Variants in FRMPD4 observed in about 807,000 individuals in gnomAD.
FRMPD4 encodes FERM and PDZ domain containing 4, also known as FERM and PDZ domain-containing protein 4.
FRMPD4 carries 22 observed loss-of-function variants against 94.1 expected under a neutral mutation model. The observed-to-expected ratio is 0.23, with a 90% CI of 0.17 to 0.33. The LOEUF (loss-of-function observed/expected upper bound fraction) is 0.33. Ranked by LOEUF, FRMPD4 falls within the 10% of genes least tolerant of loss-of-function variation. The pLI is 1.00. For missense variants in FRMPD4, 1,111 were observed against 1,339.9 expected, an observed-to-expected ratio of 0.83 and a Z score of 2.67; for synonymous variants, 631 against 548.6, an observed-to-expected ratio of 1.15 and a Z score of -2.10.
At chrX:12,079,181 T>C (rs1027113104) in intron 3 of FRMPD4, among the ~76,000 whole-genome samples, 3 of 110,942 alleles carry the variant, frequency 2.7e-5, no homozygotes, top group Non-Finnish European at 3.8e-5. Flanking sequence ...GTAAAATATG[T>C]ATATTTTACA....
At chrX:12,522,579 A>G (rs952172064) in intron 2 of FRMPD4, among the ~76,000 whole-genome samples, 1 of 99,106 alleles carries the variant, frequency 1.0e-5, no homozygotes, top group Non-Finnish European at 2.0e-5. Flanking sequence ...TTTAATGGCA[A>G]TTGATTTTCT....
intron 7 of FRMPD4, among the ~76,000 whole-genome samples, chrX:12,687,745 A>G (rs1028932847): frequency 1.8e-5 from 2 of 112,371 alleles, no homozygotes; most frequent in African/African-American, 6.5e-5. Flanking sequence ...TCATACAGGT[A>G]ATGCTTAATT....
chrX:12,540,492 C>A (rs1215958287), intron 2 of FRMPD4, among the ~76,000 whole-genome samples: 3 of 111,533 alleles, frequency 2.7e-5, no homozygotes, highest in African/African-American at 6.5e-5. Flanking sequence ...AGAGAAAAAG[C>A]AGGCCATTAC....
chrX:12,290,720 G>A (rs2054672472), intron 1 of FRMPD4, among the ~76,000 whole-genome samples: 1 of 111,621 alleles, frequency 9.0e-6, no homozygotes, highest in Non-Finnish European at 1.9e-5. Flanking sequence ...GTATTTAAGC[G>A]ACAGAAGCAG....
chrX:11,953,389 C>T (rs762373899), intron 3 of FRMPD4, among the ~76,000 whole-genome samples: 2 of 111,677 alleles, frequency 1.8e-5, no homozygotes, highest in Admixed American at 9.5e-5. Context: ...TTAAAGATGT[C>T]CCTTTTCAGG....
At chrX:12,017,463 A>G (rs2054610090) in intron 3 of FRMPD4, among the ~76,000 whole-genome samples, 2 of 112,222 alleles carry the variant, frequency 1.8e-5, no homozygotes, top group Admixed American at 1.9e-4. Context: ...CTTAACTATC[A>G]ATTCTTTTTT....
rs369217198 is a variant in FRMPD4 at position 12,679,504 on chromosome X, T to C, written c.469-3979T>C. 2.1e-4 allele frequency among the ~76,000 whole-genome samples: 23 copies of C among 111,412 alleles called. No individual in the cohort carries two copies. In the South Asian group the frequency reaches 8.5e-3, roughly 41 times the overall value. On this transcript the variant is annotated intron_variant, in intron 5 of 16. Transcript: ENST00000675598. ...TGCGAGGGAATTTCATTGGTCTCTT[T>C]AAATGTTACTAAGTCACAGTCAGGG... is the stretch of plus-strand genomic sequence containing the variant.
intron 3 of FRMPD4, among the ~76,000 whole-genome samples, chrX:12,118,107 T>C (rs1488860934): frequency 8.9e-6 from 1 of 112,076 alleles, no homozygotes; most frequent in Non-Finnish European, 1.9e-5. Flanking sequence ...TTAAAAATTA[T>C]TACTGACTTC....
chrX:12,650,178 A>C (rs919193619), intron 4 of FRMPD4, among the ~76,000 whole-genome samples: 2 of 112,373 alleles, frequency 1.8e-5, no homozygotes, highest in Non-Finnish European at 3.8e-5. Flanking sequence ...TACGGGACTC[A>C]ACTTGAAGGG....
At chrX:12,304,302 G>T (rs2054902041) in intron 1 of FRMPD4, among the ~76,000 whole-genome samples, 1 of 110,937 alleles carries the variant, frequency 9.0e-6, no homozygotes, top group Non-Finnish European at 1.9e-5. Flanking sequence ...GTAAAATAAG[G>T]TCTCTCAGTA....
chrX:12,710,352 G>A (rs781770169), intron 13 of FRMPD4, 47 bp from the exon 14 acceptor site: 2 of 1,084,966 alleles, frequency 1.8e-6, no homozygotes, highest in East Asian at 3.1e-5. Context: ...CTCCAGGGAT[G>A]TTATTAAGAA....
At chrX:12,462,062 A>T (rs772508337) in intron 1 of FRMPD4, among the ~76,000 whole-genome samples, 8 of 111,922 alleles carry the variant, frequency 7.1e-5, no homozygotes, top group Non-Finnish European at 1.5e-4. Flanking sequence ...AAAGGAAAGA[A>T]GAAACACTGA....
intron 3 of FRMPD4, among the ~76,000 whole-genome samples, chrX:11,910,240 T>C (rs1370379574): frequency 6.3e-5 from 7 of 111,960 alleles, no homozygotes; most frequent in African/African-American, 2.3e-4. Flanking sequence ...TTTTTATGGT[T>C]AAAATGCTGA....
chrX:12,008,135 C>T (rs2054563433), intron 3 of FRMPD4, among the ~76,000 whole-genome samples: 1 of 112,424 alleles, frequency 8.9e-6, no homozygotes, highest in African/African-American at 3.2e-5. Flanking sequence ...GCTCCTTTTA[C>T]TTGCTGACAT....
rs1319534599 is a variant in FRMPD4, at chrX:11,943,911, T to C, written c.95+65893T>C. Among the ~76,000 whole-genome samples, 5 of 111,786 alleles carry C rather than the reference T, an allele frequency of 4.5e-5. No homozygotes were observed. In the Admixed American group the frequency reaches 4.8e-4, roughly 11 times the overall value. The stretch of plus-strand genomic sequence containing the variant: ...GCCAGTTCCTGAGGCTTTTAAGTCA[T>C]CTATAGCAGGGATCAGCAAACTTCT... On this transcript the variant is annotated intron_variant, in intron 3 of 18. Coordinates refer to the FRMPD4 transcript ENST00000640291.
intron 2 of FRMPD4, among the ~76,000 whole-genome samples, chrX:12,560,792 C>T (rs1191379581): frequency 3.3e-5 from 2 of 61,142 alleles, no homozygotes; most frequent in South Asian, 1.4e-3. Context: ...TTTTTTGAGA[C>T]GGAGTCTCGC....
intron 1 of FRMPD4, among the ~76,000 whole-genome samples, chrX:12,233,246 A>G (rs1051332894): frequency 8.0e-5 from 9 of 112,191 alleles, no homozygotes; most frequent in African/African-American, 2.9e-4. Context: ...TTGTAAGGTC[A>G]GATTTATCAA....
intron 1 of FRMPD4, among the ~76,000 whole-genome samples, chrX:12,209,263 G>A (rs2056729508): frequency 8.9e-6 from 1 of 111,853 alleles, no homozygotes; most frequent in South Asian, 3.7e-4. Flanking sequence ...CTACATTTTT[G>A]TATTTCATAG....
intron 3 of FRMPD4, among the ~76,000 whole-genome samples, chrX:12,123,423 T>C (rs857356): frequency 0.44 from 48,275 of 110,250 alleles, 9,137 homozygotes; most frequent in East Asian, 0.82. Flanking sequence ...TAGTCGTGAG[T>C]CACTGCACCT....
Sources: gnomAD v4.1 joint callset for allele counts (sites outside exome capture counted in the v4.1 genomes callset) on GRCh38, gnomAD v4.1.1 for gene constraint, MANE v1.5 for transcripts, NCBI Gene and HGNC (gene_info 2026-07-23, HGNC 2026-07-21) for gene names.